The following RAP1GDS1 variants were observed in gnomAD, a reference collection of about 807,000 sequenced individuals.
The protein encoded by RAP1GDS1 is RAP1, GTP-GDP dissociation stimulator 1.
RAP1GDS1 carries 35 observed loss-of-function variants against 71.1 expected under a neutral mutation model. The observed-to-expected ratio is 0.49, with a 90% confidence interval of 0.38 to 0.65. RAP1GDS1 has a LOEUF of 0.65. Among genes scored for constraint, RAP1GDS1 ranks in the 30% least tolerant of loss-of-function variants. RAP1GDS1 has a pLI of 0.00. For synonymous variants in RAP1GDS1, 229 were observed against 243.1 expected (o/e 0.94, Z 0.54); for missense variants, 663 against 706.1 (o/e 0.94, Z 0.69).
At chr4:98,378,976 T>C (rs1354425800) in intron 4 of RAP1GDS1, 41 bp from the exon 5 acceptor site, 1 of 1,493,810 alleles carries the variant, frequency 6.7e-7, no homozygotes, top group Non-Finnish European at 9.0e-7. Flanking sequence ...AAGGTACATT[T>C]CTTTTTTCTT....
chr4:98,279,997 C>G (rs1418178892), intron 1 of RAP1GDS1, among the ~76,000 whole-genome samples: 1 of 152,186 alleles, frequency 6.6e-6, no homozygotes, highest in Non-Finnish European at 1.5e-5. Context: ...TTTTCTTAAT[C>G]TAGTCTATCA....
chr4:98,379,196 G>C, intron 5 of RAP1GDS1, 33 bp downstream of exon 5: 1 of 1,513,810 alleles, frequency 6.6e-7, no homozygotes, highest in Non-Finnish European at 8.8e-7. Context: ...TTTATCTCTG[G>C]GGGAAAAATT....
chr4:98,375,773 C>A (rs1002737900), intron 4 of RAP1GDS1, among the ~76,000 whole-genome samples: 10 of 152,074 alleles, frequency 6.6e-5, no homozygotes, highest in Non-Finnish European at 1.3e-4. Context: ...TTAAAAAATT[C>A]TTGAGTACCT....
At chr4:98,313,068 CAAAAAA>C (rs556945198) in intron 2 of RAP1GDS1, among the ~76,000 whole-genome samples, 25 of 38,178 alleles carry the variant, frequency 6.5e-4, no homozygotes, top group Non-Finnish European at 1.3e-3. Context: ...GACTCTGTCT[CAAAAAA>C]AAAAAAAAAA....
At chr4:98,393,411 CAAGT>C (rs1322687077) in intron 6 of RAP1GDS1, among the ~76,000 whole-genome samples, 5 of 152,068 alleles carry the variant, frequency 3.3e-5, no homozygotes, top group Non-Finnish European at 7.4e-5. Context: ...GTCATTCATT[CAAGT>C]GAGACCAAGA....
At chr4:98,397,333 C>A (rs78998016) in intron 6 of RAP1GDS1, among the ~76,000 whole-genome samples, 10 of 151,962 alleles carry the variant, frequency 6.6e-5, no homozygotes, top group African/African-American at 2.4e-4. Flanking sequence ...TAGTTGGAAA[C>A]TAACTAAAAC....
At chr4:98,291,893 G>A (rs142595309) in intron 1 of RAP1GDS1, among the ~76,000 whole-genome samples, 132 of 152,154 alleles carry the variant, frequency 8.7e-4, no homozygotes, top group African/African-American at 2.9e-3. Context: ...GCTTAGCAGG[G>A]CAACTAACCT....
Position 98,375,963 on chromosome 4 carries a change from C to T in RAP1GDS1, c.362-3054C>T, listed in dbSNP as rs77965338. On this transcript the variant is annotated intron_variant, in intron 4 of 14. Coordinates refer to ENST00000408927, the MANE Select transcript of RAP1GDS1 (RefSeq NM_001100427.2). ...TTTAACTTGATAACATTTTTTTTTT[C>T]TCATTTGTGAGACATGATAACCATG... Among the ~76,000 whole-genome samples, 540 of 150,122 alleles carry T rather than the reference C, an allele frequency of 3.6e-3. 3 individuals are homozygous for T. The highest frequency in any genetic ancestry group is 0.012 in the African/African-American group (505 of 40,978).
chr4:98,265,403 G>C (rs536903615), intron 1 of RAP1GDS1, among the ~76,000 whole-genome samples: 1 of 152,126 alleles, frequency 6.6e-6, no homozygotes, highest in Non-Finnish European at 1.5e-5. Context: ...TCTGCTCCTT[G>C]ATAACAAGGA....
chr4:98,380,981 A>G (rs1363798432), intron 5 of RAP1GDS1, among the ~76,000 whole-genome samples: 1 of 151,704 alleles, frequency 6.6e-6, no homozygotes, highest in Non-Finnish European at 1.5e-5. Flanking sequence ...CAAAGCAGTG[A>G]TTGAGTCCCA....
chr4:98,284,227 G>GT (rs1300085886), intron 1 of RAP1GDS1, among the ~76,000 whole-genome samples: 12 of 152,146 alleles, frequency 7.9e-5, no homozygotes, highest in African/African-American at 1.9e-4. Context: ...TATCTGTAGG[G>GT]TTTTTTCCCC....
intron 1 of RAP1GDS1, among the ~76,000 whole-genome samples, chr4:98,283,086 C>T (rs149555863): frequency 6.6e-6 from 1 of 152,082 alleles, no homozygotes; most frequent in African/African-American, 2.4e-5. Context: ...ACAAGAAATT[C>T]ATCAGATTTT....
chr4:98,297,627 A>G lies in RAP1GDS1; in HGVS notation c.112+4112A>G, dbSNP rs79633884. On this transcript the variant is annotated intron_variant, in intron 2 of 14. Coordinates refer to ENST00000408927, the MANE Select transcript of RAP1GDS1 (RefSeq NM_001100427.2). ...ATGATGGTAAACTTAATTGATAAATATTGTGTCTGTCTGACTGCCCCACCA... is the reference window on the plus strand; with the variant it reads ...ATGATGGTAAACTTAATTGATAAATGTTGTGTCTGTCTGACTGCCCCACCA... 8.6e-3 allele frequency among the ~76,000 whole-genome samples: 1,312 copies of G among 152,214 alleles called. 22 individuals are homozygous for G. Among genetic ancestry groups the G allele is most frequent in the African/African-American group, 0.03 (1,249 of 41,512 alleles).
intron 1 of RAP1GDS1, among the ~76,000 whole-genome samples, chr4:98,275,834 T>C (rs1047052249): frequency 1.3e-5 from 2 of 152,166 alleles, no homozygotes; most frequent in Non-Finnish European, 2.9e-5. Flanking sequence ...TCTACTACTT[T>C]GAATTAAACC....
chr4:98,314,942 T>G (rs1001762692), intron 2 of RAP1GDS1, among the ~76,000 whole-genome samples: 1 of 152,204 alleles, frequency 6.6e-6, no homozygotes, highest in Admixed American at 6.5e-5. Flanking sequence ...ATCTACTTTT[T>G]ACAGCTTCTC....
chr4:98,317,707 G>T (rs956104857), intron 2 of RAP1GDS1, among the ~76,000 whole-genome samples: 2 of 152,070 alleles, frequency 1.3e-5, no homozygotes, highest in Non-Finnish European at 2.9e-5. Context: ...CACAGGAGTC[G>T]TGCCTTAGTG....
rs753110963 is a variant in RAP1GDS1, at chr4:98,420,049, G to A, written c.1205G>A (p.Gly402Glu). 5 of 1,605,700 alleles carry A rather than the reference G, an allele frequency of 3.1e-6. No individual in the cohort carries two copies. The East Asian group carries it at 6.7e-5, about 22-fold the overall frequency. ...VINKAKMLSA[G>E]VTEAVLKFLK... ...AATAAAGCAAAGATGTTATCAGCTG[G>A]GGTCACAGAGGCAGTTTTGAAATTT... The change falls in exon 11 of 15, where the codon GGG becomes GAG. Residue 402 changes from glycine (G) to glutamate (E), a missense_variant. Coordinates refer to ENST00000408927, the MANE Select transcript of RAP1GDS1 (RefSeq NM_001100427.2).
chr4:98,286,436 A>T (rs1451081145), intron 1 of RAP1GDS1, among the ~76,000 whole-genome samples: 1 of 152,110 alleles, frequency 6.6e-6, no homozygotes, highest in Non-Finnish European at 1.5e-5. Flanking sequence ...ATTGTGTGAA[A>T]TAAAATTTTA....
intron 4 of RAP1GDS1, among the ~76,000 whole-genome samples, chr4:98,373,757 G>A (rs1385677077): frequency 6.6e-6 from 1 of 152,070 alleles, no homozygotes; most frequent in African/African-American, 2.4e-5. Flanking sequence ...AATTAGGCAT[G>A]GTAAGAGATT....
Sources: allele counts gnomAD v4.1 joint callset (sites outside exome capture counted in the v4.1 genomes callset), GRCh38; gene constraint gnomAD v4.1.1; transcripts MANE v1.5; gene names NCBI Gene and HGNC (gene_info 2026-07-23, HGNC 2026-07-21).